GRID2: variants seen among roughly 807,000 people sequenced by gnomAD.
GRID2 encodes the protein glutamate ionotropic receptor delta type subunit 2, also known as glutamate receptor ionotropic, delta-2.
GRID2 carries 33 observed loss-of-function variants against 114.8 expected under a neutral mutation model. That is an observed-to-expected ratio of 0.29 (90% CI 0.22 to 0.38). GRID2 has a LOEUF of 0.38. Ranked by LOEUF, GRID2 falls within the 10% of genes least tolerant of loss-of-function variation. GRID2 has a pLI of 1.00. For synonymous variants in GRID2, 505 were observed against 449.9 expected (o/e 1.12, Z -1.55); for missense variants, 1,184 against 1,257.7 (o/e 0.94, Z 0.89).
At chr4:93,491,960 A>T (rs1255113818) in intron 12 of GRID2, among the ~76,000 whole-genome samples, 1 of 151,868 alleles carries the variant, frequency 6.6e-6, no homozygotes, top group African/African-American at 2.4e-5. Context: ...AGTTTCTCTC[A>T]TGAAATCATG....
intron 8 of GRID2, 40 bp downstream of exon 8, chr4:93,238,530 C>T (rs1365717068): frequency 6.4e-7 from 1 of 1,572,378 alleles, no homozygotes; most frequent in Non-Finnish European, 8.7e-7. Flanking sequence ...TTTTCCTATA[C>T]TATGGTTTTG....
At chr4:92,582,218 A>G (rs1054959494) in intron 1 of GRID2, among the ~76,000 whole-genome samples, 1 of 151,850 alleles carries the variant, frequency 6.6e-6, no homozygotes, top group African/African-American at 2.4e-5. Flanking sequence ...TTTATTTTAT[A>G]TTTTATTGTC....
At chr4:93,409,003 G>T (rs1766826573) in intron 9 of GRID2, among the ~76,000 whole-genome samples, 1 of 152,162 alleles carries the variant, frequency 6.6e-6, no homozygotes, top group Admixed American at 6.5e-5. Context: ...TGAGGGTAGT[G>T]TCTACAAAGG....
chr4:92,418,357 T>C (rs180693773), intron 1 of GRID2, among the ~76,000 whole-genome samples: 168 of 152,138 alleles, frequency 1.1e-3, no homozygotes, highest in African/African-American at 3.8e-3. Flanking sequence ...GAGCAGACCA[T>C]TGAAGACCTT....
intron 4 of GRID2, among the ~76,000 whole-genome samples, chr4:93,153,984 A>C (rs1407115007): frequency 1.3e-5 from 2 of 152,048 alleles, no homozygotes; most frequent in Non-Finnish European, 2.9e-5. Context: ...TAAAATAGAC[A>C]CTTGGTATTT....
chr4:92,455,599 T>C (rs571458559), intron 1 of GRID2, among the ~76,000 whole-genome samples: 7 of 152,020 alleles, frequency 4.6e-5, no homozygotes, highest in Middle Eastern at 3.4e-3. Context: ...AATAGAAACA[T>C]GGAAGAATGC....
chr4:93,168,063 G>T (rs1408514902), intron 4 of GRID2, among the ~76,000 whole-genome samples: 1 of 152,034 alleles, frequency 6.6e-6, no homozygotes, highest in Non-Finnish European at 1.5e-5. Flanking sequence ...AGGTGTAGTG[G>T]TGCACTCTTG....
intron 4 of GRID2, among the ~76,000 whole-genome samples, chr4:93,204,617 A>G (rs909438952): frequency 1.3e-5 from 2 of 152,146 alleles, no homozygotes; most frequent in Non-Finnish European, 2.9e-5. Flanking sequence ...ACTGAAATAC[A>G]GGATTTGTGC....
Position 92,614,061 on chromosome 4 carries a change from T to C in GRID2, c.244+23775T>C, listed in dbSNP as rs961727836. Among the ~76,000 whole-genome samples, 16 of 151,570 alleles carry C rather than the reference T, an allele frequency of 1.1e-4. No homozygotes were observed. In the East Asian group the frequency reaches 1.4e-3, roughly 13 times the overall value. ...GTTGGTGCATTCCATATCCTCCTTC[T>C]AGCTATTTGAAACCATATATTATTA... On this transcript the variant is annotated intron_variant, in intron 2 of 15. Coordinates refer to ENST00000282020, the MANE Select transcript of GRID2 (RefSeq NM_001510.4).
chr4:93,416,290 G>A (rs1767701138), intron 9 of GRID2, among the ~76,000 whole-genome samples: 1 of 151,966 alleles, frequency 6.6e-6, no homozygotes, highest in Admixed American at 6.6e-5. Context: ...AAGAAGAACA[G>A]TGGCCATTAA....
intron 8 of GRID2, among the ~76,000 whole-genome samples, chr4:93,331,405 ACTC>A (rs1321832034): frequency 6.6e-6 from 1 of 150,896 alleles, no homozygotes; most frequent in Non-Finnish European, 1.5e-5. Context: ...CCAGACCTCT[ACTC>A]CTCATTCAAA....
chr4:92,902,742 T>C (rs917098410), intron 2 of GRID2, among the ~76,000 whole-genome samples: 1 of 152,094 alleles, frequency 6.6e-6, no homozygotes, highest in Admixed American at 6.6e-5. Flanking sequence ...GTTTATTGAA[T>C]AGGGTGTAAT....
At chr4:92,421,223 G>C (rs1731892915) in intron 1 of GRID2, among the ~76,000 whole-genome samples, 1 of 151,912 alleles carries the variant, frequency 6.6e-6, no homozygotes, top group African/African-American at 2.4e-5. Flanking sequence ...CTCTGTATGT[G>C]TTAAGATCTG....
chr4:93,333,956 T>C (rs1000603875), intron 8 of GRID2, among the ~76,000 whole-genome samples: 1 of 152,170 alleles, frequency 6.6e-6, no homozygotes, highest in African/African-American at 2.4e-5. Context: ...TTTTCAGTTT[T>C]GAAGTGCCAT....
At chr4:92,358,157 A>AT (rs142635641) in intron 1 of GRID2, among the ~76,000 whole-genome samples, 9,999 of 152,038 alleles carry the variant, frequency 0.066, 387 homozygotes, top group Middle Eastern at 0.14. Context: ...AGGAAGGCTA[A>AT]GCAGTCTGTC....
intron 2 of GRID2, among the ~76,000 whole-genome samples, chr4:92,964,539 TAAAGTA>T (rs1447401099): frequency 1.3e-5 from 2 of 151,950 alleles, no homozygotes; most frequent in Non-Finnish European, 2.9e-5. Context: ...TCCCAGAACT[TAAAGTA>T]AATTAAAAAA....
At chr4:92,699,901 A>G (rs1734589371) in intron 2 of GRID2, among the ~76,000 whole-genome samples, 1 of 152,224 alleles carries the variant, frequency 6.6e-6, no homozygotes, top group African/African-American at 2.4e-5. Flanking sequence ...TTATATGAAT[A>G]CACACATGAT....
intron 14 of GRID2, among the ~76,000 whole-genome samples, chr4:93,661,305 C>T (rs1395298759): frequency 1.3e-5 from 2 of 152,152 alleles, no homozygotes; most frequent in African/African-American, 4.8e-5. Flanking sequence ...AGGTGATATT[C>T]TATCATCTTG....
intron 13 of GRID2, among the ~76,000 whole-genome samples, chr4:93,516,390 A>T (rs1231924169): frequency 6.6e-6 from 1 of 152,134 alleles, no homozygotes; most frequent in Non-Finnish European, 1.5e-5. Flanking sequence ...TGGTCCCTAG[A>T]GTCAGCCTAG....
Sources: allele counts gnomAD v4.1 joint callset (sites outside exome capture counted in the v4.1 genomes callset), GRCh38; gene constraint gnomAD v4.1.1; transcripts MANE v1.5; gene names NCBI Gene and HGNC (gene_info 2026-07-23, HGNC 2026-07-21).